PLEKHA2: variants seen among roughly 807,000 people sequenced by gnomAD.
PLEKHA2 encodes the protein pleckstrin homology domain containing A2.
PLEKHA2 carries 28 observed loss-of-function variants against 53.2 expected under a neutral mutation model. The ratio of observed to expected loss-of-function variants is 0.53; its 90% CI spans 0.39 to 0.72. The LOEUF (loss-of-function observed/expected upper bound fraction) is 0.72. Among genes scored for constraint, PLEKHA2 ranks in the 30% least tolerant of loss-of-function variants. PLEKHA2 has a pLI of 0.00. For synonymous variants in PLEKHA2, 193 were observed against 196.4 expected (o/e 0.98, Z 0.14); for missense variants, 426 against 537.9 (o/e 0.79, Z 2.06).
In PLEKHA2 at chr8:38,969,402, C is replaced by T. The variant is rs753682606; in HGVS notation, c.916-19C>T. 4 of 1,596,514 alleles carry T rather than the reference C, an allele frequency of 2.5e-6. No individual in the cohort carries two copies. The highest frequency in any genetic ancestry group is 3.4e-6 in the Non-Finnish European group (4 of 1,175,742). On this transcript the variant is annotated intron_variant, in intron 11 of 11. Transcript: ENST00000617275. ...AGCCCTAACTTTCTTTTGTCTTTTT[C>T]TTCCTTTTATTTTTATAGGAAACGT...
intron 2 of PLEKHA2, among the ~76,000 whole-genome samples, chr8:38,933,181 G>A (rs867213984): frequency 6.7e-4 from 102 of 152,150 alleles, no homozygotes; most frequent in African/African-American, 2.4e-3. Flanking sequence ...TGAGGAGAGT[G>A]TGTTGTGCAA....
chr8:38,929,103 G>A (rs1372934994), intron 2 of PLEKHA2, among the ~76,000 whole-genome samples: 6 of 152,202 alleles, frequency 3.9e-5, no homozygotes, highest in East Asian at 1.9e-4. Context: ...CTACATGGCC[G>A]TGGCTTTTGG....
At chr8:38,939,616 C>T (rs1834562302) in intron 3 of PLEKHA2, among the ~76,000 whole-genome samples, 1 of 152,240 alleles carries the variant, frequency 6.6e-6, no homozygotes. Flanking sequence ...TCTCACAGCA[C>T]AGGCTGGCTA....
At chr8:38,938,922 G>C (rs1259350662) in intron 3 of PLEKHA2, among the ~76,000 whole-genome samples, 1 of 134,508 alleles carries the variant, frequency 7.4e-6, no homozygotes, top group Admixed American at 7.4e-5. Flanking sequence ...TTTTAAATTT[G>C]AGACAAAGTC....
chr8:38,931,417 G>A (rs919313755), intron 2 of PLEKHA2, among the ~76,000 whole-genome samples: 1 of 152,078 alleles, frequency 6.6e-6, no homozygotes, highest in Non-Finnish European at 1.5e-5. Context: ...CTCTCCCTAT[G>A]GCCCATTCCT....
intron 2 of PLEKHA2, among the ~76,000 whole-genome samples, chr8:38,930,653 GCA>G: frequency 6.6e-6 from 1 of 152,106 alleles, no homozygotes; most frequent in South Asian, 2.1e-4. Flanking sequence ...CCACGGCATG[GCA>G]TGGCATGGCA....
Position 38,972,903 on chromosome 8 carries a change from G to T in PLEKHA2, c.*3120G>T, listed in dbSNP as rs1835278332. 6.6e-6 allele frequency: 1 copy of T among 151,968 alleles called. No homozygotes were observed. Among genetic ancestry groups the T allele is most frequent in the African/African-American group, 2.4e-5 (1 of 41,356 alleles). 9.4% of individuals were successfully genotyped at this position (151,968 alleles called of 1,614,324 possible). ...ACTGTGTGTAACAGTATTTCAGGTG[G>T]TCCTCCCCATGGCTGAATAATGCCA... On this transcript the variant is annotated 3_prime_UTR_variant, in exon 12 of 12. Coordinates refer to ENST00000617275, the MANE Select transcript of PLEKHA2 (RefSeq NM_021623.2).
rs367735286 is a variant in PLEKHA2, at chr8:38,917,062, G to C, written c.-23-845G>C. 3.6e-4 allele frequency among the ~76,000 whole-genome samples: 55 copies of C among 152,246 alleles called. 1 individual carries two copies. In the East Asian group the frequency reaches 4.6e-3, roughly 13 times the overall value. ...CTTTTCATGTGCCTGTTTGCCACTC[G>C]TATGTGTTTTCCTTGAGAAATGTCT... is the stretch of plus-strand genomic sequence containing the variant. On this transcript the variant is annotated intron_variant, in intron 1 of 11. Coordinates refer to ENST00000617275, the MANE Select transcript of PLEKHA2 (RefSeq NM_021623.2).
chr8:38,941,218 G>A (rs187608094), intron 3 of PLEKHA2, among the ~76,000 whole-genome samples: 3 of 152,078 alleles, frequency 2.0e-5, no homozygotes, highest in Admixed American at 2.0e-4. Context: ...CACCACACCC[G>A]GCTAATTTTG....
intron 2 of PLEKHA2, among the ~76,000 whole-genome samples, chr8:38,924,356 T>G (rs1204190600): frequency 6.6e-6 from 1 of 151,616 alleles, no homozygotes; most frequent in Non-Finnish European, 1.5e-5. Context: ...AGACAGGGAG[T>G]CAGGCGCGGA....
intron 10 of PLEKHA2, among the ~76,000 whole-genome samples, chr8:38,965,035 T>G (rs1835110262): frequency 6.6e-6 from 1 of 152,114 alleles, no homozygotes; most frequent in African/African-American, 2.4e-5. Context: ...TAATTTTTTA[T>G]TTTTCTACAT....
chr8:38,949,772 T>C (rs764544862), intron 5 of PLEKHA2, among the ~76,000 whole-genome samples: 1 of 152,220 alleles, frequency 6.6e-6, no homozygotes, highest in Non-Finnish European at 1.5e-5. Context: ...TAATATACTC[T>C]ATCATTTGAT....
chr8:38,969,940 G>T lies in PLEKHA2; in HGVS notation c.*157G>T. 1 of 825,732 alleles carries T rather than the reference G, an allele frequency of 1.2e-6. No homozygotes were observed. The allele number at this position is 825,732 out of a possible 1,614,324, so 51.2% of individuals were successfully genotyped here. On this transcript the variant is annotated 3_prime_UTR_variant, in exon 12 of 12. Coordinates refer to ENST00000617275, the MANE Select transcript of PLEKHA2 (RefSeq NM_021623.2). ...GGGAGGGAGGGGCCCATCCAGCTGG[G>T]CTGTGTGTGTGTGTGTGTGTGTGTG...
intron 4 of PLEKHA2, among the ~76,000 whole-genome samples, chr8:38,945,149 T>C (rs2129421024): frequency 6.6e-6 from 1 of 152,322 alleles, no homozygotes; most frequent in Middle Eastern, 3.4e-3. Context: ...GTTACTTGGC[T>C]CCTACTATGT....
At chr8:38,930,107 C>T (rs1394493866) in intron 2 of PLEKHA2, among the ~76,000 whole-genome samples, 1 of 152,178 alleles carries the variant, frequency 6.6e-6, no homozygotes, top group Non-Finnish European at 1.5e-5. Context: ...GGGGAGCTGG[C>T]TCCTTCAAGG....
chr8:38,936,151 C>A, intron 3 of PLEKHA2, 101 bp downstream of exon 3: 1 of 1,286,384 alleles, frequency 7.8e-7, no homozygotes, highest in Non-Finnish European at 1.1e-6. Context: ...TATTTAGGGA[C>A]GTTGCATGGT....
Position 38,967,007 on chromosome 8 carries a change from C to A in PLEKHA2, c.838-1585C>A, listed in dbSNP as rs12114238. On this transcript the variant is annotated intron_variant, in intron 10 of 11. Transcript: ENST00000617275. The stretch of plus-strand genomic sequence containing the variant: ...TTTCACACCCTATGTCCATGTGTAC[C>A]CATTATTTAGCTCCCAGTTATAAGT... Among the ~76,000 whole-genome samples the A allele has an allele frequency of 1.2e-3, 175 of 146,836 alleles. 3 individuals are homozygous for A. The highest frequency in any genetic ancestry group is 4.2e-3 in the African/African-American group (171 of 40,450).
chr8:38,917,023 A>G (rs372355299), intron 1 of PLEKHA2, among the ~76,000 whole-genome samples: 10 of 152,340 alleles, frequency 6.6e-5, no homozygotes, highest in African/African-American at 2.2e-4. Flanking sequence ...CTGGTGATCA[A>G]TGATGTCGAG....
At chr8:38,944,629 TTATGACAC>T (rs1418883652) in intron 4 of PLEKHA2, among the ~76,000 whole-genome samples, 1 of 152,164 alleles carries the variant, frequency 6.6e-6, no homozygotes, top group Non-Finnish European at 1.5e-5. Context: ...GAACTCACTA[TTATGACAC>T]AACAGCATGG....
Sources: allele counts gnomAD v4.1 joint callset (sites outside exome capture counted in the v4.1 genomes callset), GRCh38; gene constraint gnomAD v4.1.1; transcripts MANE v1.5; gene names NCBI Gene and HGNC (gene_info 2026-07-23, HGNC 2026-07-21).